ZNF385D: variants seen among roughly 807,000 people sequenced by gnomAD.
ZNF385D encodes the protein zinc finger protein 659.
In ZNF385D, 15 loss-of-function variants were observed where a neutral mutation model predicts 35.8. The observed-to-expected ratio is 0.42, with a 90% CI of 0.28 to 0.64. The LOEUF (loss-of-function observed/expected upper bound fraction) is 0.64, where lower values mean the gene tolerates loss of function less well. Among genes scored for constraint, ZNF385D ranks in the 30% least tolerant of loss-of-function variants. The probability of loss-of-function intolerance (pLI) is 0.23; values close to 1 mark genes in which losing one functional copy is unlikely to be tolerated. For missense variants in ZNF385D, 474 were observed against 494.6 expected (o/e 0.96, Z 0.39); for synonymous variants, 212 against 186.8 (o/e 1.13, Z -1.10).
intron 2 of ZNF385D, among the ~76,000 whole-genome samples, chr3:22,243,322 A>G (rs2125316884): frequency 6.6e-6 from 1 of 151,264 alleles, no homozygotes; most frequent in Middle Eastern, 3.4e-3. Flanking sequence ...CTATATCAAA[A>G]TATTACTTTA....
intron 2 of ZNF385D, among the ~76,000 whole-genome samples, chr3:22,347,192 G>T (rs896968059): frequency 3.3e-5 from 5 of 152,138 alleles, no homozygotes; most frequent in African/African-American, 9.7e-5. Context: ...CATATGGTTT[G>T]CTCATAACAT....
At chr3:21,785,162 C>T (rs545412550) in intron 3 of ZNF385D, among the ~76,000 whole-genome samples, 20 of 152,132 alleles carry the variant, frequency 1.3e-4, no homozygotes, top group Admixed American at 3.9e-4. Context: ...CCCCAAATCA[C>T]GTAACTATTA....
intron 3 of ZNF385D, among the ~76,000 whole-genome samples, chr3:22,123,984 A>T (rs1308783847): frequency 1.4e-5 from 2 of 138,232 alleles, no homozygotes; most frequent in Non-Finnish European, 3.1e-5. Flanking sequence ...ATATATATAT[A>T]TATATTGCTG....
chr3:22,104,118 T>C (rs1702082678), intron 3 of ZNF385D, among the ~76,000 whole-genome samples: 1 of 152,162 alleles, frequency 6.6e-6, no homozygotes, highest in South Asian at 2.1e-4. Context: ...CCATGTATTA[T>C]TCAAGTTGGA....
chr3:22,113,031 G>A (rs761020058), intron 3 of ZNF385D, among the ~76,000 whole-genome samples: 14 of 151,976 alleles, frequency 9.2e-5, no homozygotes, highest in Admixed American at 8.5e-4. Flanking sequence ...TCTCTCGGTC[G>A]CATTTGTGGA....
chr3:21,775,101 G>C (rs1329147206), intron 3 of ZNF385D, among the ~76,000 whole-genome samples: 1 of 151,808 alleles, frequency 6.6e-6, no homozygotes, highest in Non-Finnish European at 1.5e-5. Context: ...GTGTAAGCCA[G>C]CTCCATCACA....
At chr3:22,156,575 T>C (rs1421542045) in intron 3 of ZNF385D, among the ~76,000 whole-genome samples, 1 of 152,126 alleles carries the variant, frequency 6.6e-6, no homozygotes, top group Non-Finnish European at 1.5e-5. Context: ...GATGAGTCTC[T>C]TGGGCTGGCA....
chr3:21,943,135 G>C (rs1441293300), intron 3 of ZNF385D, among the ~76,000 whole-genome samples: 1 of 151,990 alleles, frequency 6.6e-6, no homozygotes, highest in Non-Finnish European at 1.5e-5. Context: ...AAAAATGAGG[G>C]AAGTATTAAT....
intron 3 of ZNF385D, among the ~76,000 whole-genome samples, chr3:21,999,998 G>T (rs781700919): frequency 3.9e-5 from 6 of 152,052 alleles, no homozygotes; most frequent in Admixed American, 2.0e-4. Context: ...TCCCCAAATA[G>T]ATTCAATCCA....
chr3:22,072,662 G>GAATGGAGA (rs936285099), intron 3 of ZNF385D, among the ~76,000 whole-genome samples: 1 of 151,864 alleles, frequency 6.6e-6, no homozygotes, highest in East Asian at 1.9e-4. Flanking sequence ...AGGCAAGAAG[G>GAATGGAGA]AATGGAGAAA....
intron 2 of ZNF385D, among the ~76,000 whole-genome samples, chr3:21,571,317 T>C (rs2063328385): frequency 6.6e-6 from 1 of 152,192 alleles, no homozygotes; most frequent in Non-Finnish European, 1.5e-5. Context: ...TAGTATTCCA[T>C]TCTAAAACCA....
chr3:22,073,420 T>A (rs1055204641), intron 3 of ZNF385D, among the ~76,000 whole-genome samples: 1 of 151,880 alleles, frequency 6.6e-6, no homozygotes, highest in Non-Finnish European at 1.5e-5. Flanking sequence ...CCATATTTAT[T>A]GCTTTATTCC....
chr3:22,164,681 G>A (rs1281710947), intron 3 of ZNF385D, among the ~76,000 whole-genome samples: 1 of 147,758 alleles, frequency 6.8e-6, no homozygotes, highest in East Asian at 2.0e-4. Flanking sequence ...TGGATAAATT[G>A]TTTCCCCTCT....
At chr3:22,038,679 A>G (rs899288695) in intron 3 of ZNF385D, among the ~76,000 whole-genome samples, 1 of 152,062 alleles carries the variant, frequency 6.6e-6, no homozygotes, top group South Asian at 2.1e-4. Context: ...ATTCTTTTGG[A>G]TCTAATAAAC....
chr3:21,588,086 A>C (rs911523415), intron 2 of ZNF385D, among the ~76,000 whole-genome samples: 5 of 152,188 alleles, frequency 3.3e-5, no homozygotes, highest in East Asian at 1.9e-4. Flanking sequence ...TCCTGGTCTC[A>C]ATGAGTGTGC....
chr3:22,329,729 T>C (rs1694848070), intron 2 of ZNF385D, among the ~76,000 whole-genome samples: 1 of 152,216 alleles, frequency 6.6e-6, no homozygotes, highest in Non-Finnish European at 1.5e-5. Flanking sequence ...TGTAATTTTA[T>C]GTTTTTGTCT....
At position 21,650,276 on chromosome 3, in the gene ZNF385D, A is replaced by C. The variant is rs2065871718; in HGVS notation, c.165+14610T>G. Among the ~76,000 whole-genome samples, 3 of 152,262 alleles carry C rather than the reference A, an allele frequency of 2.0e-5. No homozygotes were observed. In the South Asian group the frequency reaches 6.2e-4, roughly 32 times the overall value. On this transcript the variant is annotated intron_variant, in intron 2 of 7. Coordinates refer to ENST00000281523, the MANE Select transcript of ZNF385D (RefSeq NM_024697.3). The stretch of plus-strand genomic sequence containing the variant: ...TATTTGTCAACTTTAAATCTCCAAA[A>C]TAATTTCAGGAACCAAAATTCAATT...
At chr3:21,526,548 G>C (rs1456433166) in intron 3 of ZNF385D, among the ~76,000 whole-genome samples, 1 of 152,102 alleles carries the variant, frequency 6.6e-6, no homozygotes, top group Non-Finnish European at 1.5e-5. Context: ...ATGGAGATAG[G>C]ATAAAAACTC....
intron 3 of ZNF385D, among the ~76,000 whole-genome samples, chr3:22,040,991 C>A (rs537883818): frequency 2.2e-4 from 34 of 152,118 alleles, no homozygotes; most frequent in Non-Finnish European, 4.7e-4. Context: ...AGTATAGAAG[C>A]AGAGAATCGC....
Sources: allele counts gnomAD v4.1 joint callset (sites outside exome capture counted in the v4.1 genomes callset), GRCh38; gene constraint gnomAD v4.1.1; transcripts MANE v1.5; gene names NCBI Gene and HGNC (gene_info 2026-07-23, HGNC 2026-07-21).